The following DACH2 variants were observed in gnomAD, a reference collection of about 807,000 sequenced individuals.
DACH2 encodes dachshund family transcription factor 2.
A neutral mutation model predicts 35.8 loss-of-function variants in DACH2; 17 were observed. That is an observed-to-expected ratio of 0.48 (90% confidence interval 0.33 to 0.71). DACH2 has a LOEUF of 0.71. Among genes scored for constraint, DACH2 ranks in the 30% least tolerant of loss-of-function variants. DACH2 has a pLI of 0.02. For missense variants in DACH2, 469 were observed against 472.7 expected, an observed-to-expected ratio of 0.99 and a Z score of 0.07; for synonymous variants, 195 against 177.3, an observed-to-expected ratio of 1.10 and a Z score of -0.79.
chrX:86,169,202 G>A (rs1212132972), intron 1 of DACH2, among the ~76,000 whole-genome samples: 1 of 111,240 alleles, frequency 9.0e-6, no homozygotes. Context: ...TTTTCCTTCA[G>A]CCCTTTAAAT....
intron 2 of DACH2, among the ~76,000 whole-genome samples, chrX:86,500,393 C>A (rs1013469202): frequency 2.7e-5 from 3 of 111,470 alleles, no homozygotes; most frequent in Non-Finnish European, 5.7e-5. Flanking sequence ...CATGCCTTTG[C>A]CTTTGACTTT....
chrX:86,231,240 G>A (rs2032941875), intron 1 of DACH2, among the ~76,000 whole-genome samples: 1 of 112,362 alleles, frequency 8.9e-6, no homozygotes, highest in Non-Finnish European at 1.9e-5. Flanking sequence ...CTCTATTTTT[G>A]TGCTGGTTTA....
At chrX:86,149,427 A>G (rs1474261005) in intron 1 of DACH2, among the ~76,000 whole-genome samples, 1 of 111,105 alleles carries the variant, frequency 9.0e-6, no homozygotes. Context: ...TAATTTCTCT[A>G]TTTGGTTTTC....
At chrX:86,785,544 G>A (rs2042128747) in intron 7 of DACH2, among the ~76,000 whole-genome samples, 1 of 111,505 alleles carries the variant, frequency 9.0e-6, no homozygotes, top group Non-Finnish European at 1.9e-5. Context: ...TATAAGAATA[G>A]GATCTTTGGA....
rs1011251135 is a variant in DACH2 at position 86,371,922 on chromosome X, G to C, written c.489-4902G>C. On this transcript the variant is annotated intron_variant, in intron 1 of 11. Coordinates refer to ENST00000373125, the MANE Select transcript of DACH2 (RefSeq NM_053281.3). ...TTCATTTATTTATTACATTTTGTTAGCAAATAGACATTGTTTATTGTATTG... is the reference window on the plus strand; with the variant it reads ...TTCATTTATTTATTACATTTTGTTACCAAATAGACATTGTTTATTGTATTG... 8.1e-5 allele frequency among the ~76,000 whole-genome samples: 9 copies of C among 111,098 alleles called. No homozygotes were observed. The Admixed American group carries it at 8.7e-4, about 11-fold the overall frequency.
chrX:86,779,038 T>C (rs1307607229), intron 7 of DACH2, among the ~76,000 whole-genome samples: 3 of 112,073 alleles, frequency 2.7e-5, no homozygotes, highest in South Asian at 3.7e-4. Flanking sequence ...ATGGAGACTA[T>C]ATTAGTTGGA....
intron 2 of DACH2, among the ~76,000 whole-genome samples, chrX:86,441,045 C>A (rs1289151787): frequency 9.0e-6 from 1 of 110,704 alleles, no homozygotes; most frequent in Non-Finnish European, 1.9e-5. Context: ...TTCTATAAAA[C>A]CAACCTCTTT....
At chrX:86,504,910 G>T (rs1293963725) in intron 2 of DACH2, among the ~76,000 whole-genome samples, 1 of 111,821 alleles carries the variant, frequency 8.9e-6, no homozygotes, top group Non-Finnish European at 1.9e-5. Context: ...TCAAAGTAAG[G>T]AATGGGGAAG....
chrX:86,293,274 T>G (rs1355493587), intron 1 of DACH2, among the ~76,000 whole-genome samples: 2 of 110,600 alleles, frequency 1.8e-5, no homozygotes, highest in East Asian at 2.8e-4. Context: ...GTTTTCCATT[T>G]GCTTGGTAGA....
intron 7 of DACH2, among the ~76,000 whole-genome samples, chrX:86,810,328 T>G (rs1339553421): frequency 8.9e-6 from 1 of 111,853 alleles, no homozygotes; most frequent in African/African-American, 3.2e-5. Context: ...TATACATATG[T>G]GTAGGTGATA....
At chrX:86,376,932 C>T (rs904908228) in intron 2 of DACH2, 70 bp downstream of exon 2, 3 of 489,839 alleles carry the variant, frequency 6.1e-6, no homozygotes, top group Non-Finnish European at 1.1e-5. Context: ...GATTCAGCCA[C>T]ACTTTCATAA....
At chrX:86,325,852 T>C (rs768932441) in intron 1 of DACH2, among the ~76,000 whole-genome samples, 2 of 111,852 alleles carry the variant, frequency 1.8e-5, no homozygotes, top group Non-Finnish European at 3.8e-5. Flanking sequence ...TTGGAGTAGA[T>C]AGATATGGGT....
At chrX:86,794,222 T>C (rs1386052000) in intron 7 of DACH2, among the ~76,000 whole-genome samples, 1 of 110,564 alleles carries the variant, frequency 9.0e-6, no homozygotes, top group Non-Finnish European at 1.9e-5. Flanking sequence ...ACAAACAGTA[T>C]TGCAAAAAGA....
At chrX:86,758,580 T>C (rs2041850622) in intron 7 of DACH2, among the ~76,000 whole-genome samples, 1 of 112,107 alleles carries the variant, frequency 8.9e-6, no homozygotes, top group Admixed American at 9.5e-5. Context: ...TCCATTGTGG[T>C]TTGAGAAGAT....
intron 2 of DACH2, among the ~76,000 whole-genome samples, chrX:86,464,213 A>G (rs2037625269): frequency 9.0e-6 from 1 of 111,648 alleles, no homozygotes; most frequent in South Asian, 3.8e-4. Context: ...ATAAAGACAC[A>G]CACACACGTA....
intron 3 of DACH2, among the ~76,000 whole-genome samples, chrX:86,586,175 ATT>A (rs1259262681): frequency 9.0e-6 from 1 of 111,110 alleles, no homozygotes. Context: ...GATGCTGAGT[ATT>A]TTTTCATATG....
At chrX:86,360,237 C>G (rs1412348402) in intron 1 of DACH2, among the ~76,000 whole-genome samples, 1 of 110,360 alleles carries the variant, frequency 9.1e-6, no homozygotes, top group Non-Finnish European at 1.9e-5. Flanking sequence ...CTTTATATGA[C>G]AGTAACACAG....
intron 1 of DACH2, among the ~76,000 whole-genome samples, chrX:86,328,964 G>T (rs2035163362): frequency 9.0e-6 from 1 of 111,596 alleles, no homozygotes; most frequent in Non-Finnish European, 1.9e-5. Context: ...CTGCATTAAA[G>T]ATCAGAGTGT....
intron 2 of DACH2, among the ~76,000 whole-genome samples, chrX:86,460,939 C>G (rs189710007): frequency 9.0e-6 from 1 of 111,420 alleles, no homozygotes; most frequent in African/African-American, 3.2e-5. Context: ...GTAACGTGGC[C>G]TCATTATTGC....
Sources: allele counts gnomAD v4.1 joint callset (sites outside exome capture counted in the v4.1 genomes callset), GRCh38; gene constraint gnomAD v4.1.1; transcripts MANE v1.5; gene names NCBI Gene and HGNC (gene_info 2026-07-23, HGNC 2026-07-21).